Variants in RAB31 observed in about 807,000 individuals in gnomAD.
RAB31 encodes ras-related protein Rab-31.
A neutral mutation model predicts 25.6 loss-of-function variants in RAB31; 21 were observed. The ratio of observed to expected loss-of-function variants is 0.82; its 90% CI spans 0.58 to 1.18. The LOEUF is 1.18. RAB31 is among the 50% of genes most tolerant of loss of function. The pLI is 0.00. For synonymous variants in RAB31, 87 were observed against 84.0 expected, an observed-to-expected ratio of 1.04 and a Z score of -0.20; for missense variants, 196 against 250.1, an observed-to-expected ratio of 0.78 and a Z score of 1.46.
chr18:9,841,154 A>G (rs2068731546), intron 5 of RAB31, among the ~76,000 whole-genome samples: 1 of 150,932 alleles, frequency 6.6e-6, no homozygotes. Context: ...CTGGTCATGA[A>G]CTCCTGATCT....
intron 5 of RAB31, among the ~76,000 whole-genome samples, chr18:9,837,335 C>T (rs2068710937): frequency 6.6e-6 from 1 of 151,990 alleles, no homozygotes; most frequent in Admixed American, 6.5e-5. Context: ...CAAAATGGAA[C>T]AAGGATTTAA....
At chr18:9,802,866 G>C (rs2068520981) in intron 3 of RAB31, among the ~76,000 whole-genome samples, 2 of 152,206 alleles carry the variant, frequency 1.3e-5, no homozygotes, top group Non-Finnish European at 2.9e-5. Context: ...AAACTCTTTT[G>C]CTGTCTTTCC....
At chr18:9,832,977 GA>G (rs58927548) in intron 5 of RAB31, among the ~76,000 whole-genome samples, 18,522 of 152,072 alleles carry the variant, frequency 0.12, 1,383 homozygotes, top group East Asian at 0.37. Flanking sequence ...GAACTCCCGT[GA>G]TGGGGTCTCA....
At chr18:9,798,557 A>G (rs1219651668) in intron 3 of RAB31, among the ~76,000 whole-genome samples, 1 of 152,196 alleles carries the variant, frequency 6.6e-6, no homozygotes, top group East Asian at 1.9e-4. Flanking sequence ...TTAAACAAAC[A>G]ATCACTTTGG....
At chr18:9,849,795 T>A (rs1238265690) in intron 6 of RAB31, 1 of 152,268 alleles carries the variant, frequency 6.6e-6, no homozygotes, top group Non-Finnish European at 1.5e-5. Context: ...AGGAGCCAAG[T>A]CCCAAGGCAG....
chr18:9,729,913 T>G (rs1349069390), intron 1 of RAB31, among the ~76,000 whole-genome samples: 1 of 152,140 alleles, frequency 6.6e-6, no homozygotes, highest in East Asian at 1.9e-4. Flanking sequence ...TCTCACACAC[T>G]GCATTCTGTT....
chr18:9,803,529 A>T (rs1406121290), intron 3 of RAB31, among the ~76,000 whole-genome samples: 1 of 152,076 alleles, frequency 6.6e-6, no homozygotes, highest in South Asian at 2.1e-4. Context: ...CCATGCCCCT[A>T]GTAACTCTCT....
In RAB31 at chr18:9,859,315, G is replaced by A. The variant is rs543464900; in HGVS notation, c.578G>A (p.Arg193Gln). The A allele has an allele frequency of 6.8e-6, 11 of 1,612,362 alleles. No individual in the cohort carries two copies. Among genetic ancestry groups the A allele is most frequent in the African/African-American group, 1.3e-5 (1 of 74,978 alleles). ...VEKPTMQASR[R>Q]CC is the part of the protein sequence containing the mutation. ...AAGCCAACCATGCAAGCCAGCCGCC[G>A]GTGCTGTTGACCCAAGGGCCGTGGT... is the stretch of plus-strand genomic sequence containing the variant. The change falls in exon 7 of 7, where the codon CGG becomes CAG. Residue 193 changes from arginine to glutamine, a missense_variant. Transcript: ENST00000578921.
At chr18:9,768,500 T>C (rs974161823) in intron 1 of RAB31, among the ~76,000 whole-genome samples, 1 of 152,262 alleles carries the variant, frequency 6.6e-6, no homozygotes, top group African/African-American at 2.4e-5. Context: ...AAATGTCTTT[T>C]TTTGAGAAGT....
At chr18:9,802,776 T>C (rs1198787818) in intron 3 of RAB31, among the ~76,000 whole-genome samples, 1 of 152,246 alleles carries the variant, frequency 6.6e-6, no homozygotes, top group Non-Finnish European at 1.5e-5. Context: ...TCGCTGGGTC[T>C]GAATGGGTCC....
chr18:9,770,248 G>A (rs1599031434), intron 1 of RAB31, among the ~76,000 whole-genome samples: 1 of 152,134 alleles, frequency 6.6e-6, no homozygotes, highest in South Asian at 2.1e-4. Context: ...GTTTGGAATA[G>A]TTTCAAAAGG....
At chr18:9,810,005 C>T (rs944335604) in intron 3 of RAB31, among the ~76,000 whole-genome samples, 1 of 152,188 alleles carries the variant, frequency 6.6e-6, no homozygotes, top group Non-Finnish European at 1.5e-5. Flanking sequence ...CCACAGGGAC[C>T]TCCAGCAATT....
chr18:9,806,468 G>T (rs1162006132), intron 3 of RAB31, among the ~76,000 whole-genome samples: 1 of 152,018 alleles, frequency 6.6e-6, no homozygotes, highest in Admixed American at 6.5e-5. Context: ...CTGCTAGAAG[G>T]CGTCAGGGAA....
intron 3 of RAB31, among the ~76,000 whole-genome samples, chr18:9,793,134 C>T (rs2068469727): frequency 6.6e-6 from 1 of 152,040 alleles, no homozygotes; most frequent in Admixed American, 6.6e-5. Flanking sequence ...AGTGCAGTGG[C>T]ACAATTATGG....
At chr18:9,799,626 A>G (rs1266640230) in intron 3 of RAB31, among the ~76,000 whole-genome samples, 1 of 152,122 alleles carries the variant, frequency 6.6e-6, no homozygotes, top group African/African-American at 2.4e-5. Context: ...CCTCCAGAGT[A>G]GCTGGGACTA....
intron 3 of RAB31, among the ~76,000 whole-genome samples, chr18:9,797,034 A>G (rs1236856744): frequency 1.3e-5 from 2 of 152,206 alleles, no homozygotes; most frequent in African/African-American, 4.8e-5. Context: ...AAAGTCTTCT[A>G]TTTTTCTGCT....
intron 5 of RAB31, among the ~76,000 whole-genome samples, chr18:9,845,310 T>C (rs555935): frequency 0.66 from 99,981 of 152,094 alleles, 32,978 homozygotes; most frequent in South Asian, 0.77. Context: ...CTGCCATATT[T>C]GTCATGGTTT....
chr18:9,720,988 G>A (rs2068071194), intron 1 of RAB31, among the ~76,000 whole-genome samples: 1 of 152,094 alleles, frequency 6.6e-6, no homozygotes, highest in Non-Finnish European at 1.5e-5. Flanking sequence ...GTTCTCTGGG[G>A]TCCGTGGTCC....
At chr18:9,759,354 A>T (rs778801239) in intron 1 of RAB31, among the ~76,000 whole-genome samples, 1 of 151,918 alleles carries the variant, frequency 6.6e-6, no homozygotes, top group Non-Finnish European at 1.5e-5. Context: ...GATTTTTCAT[A>T]AAGACAGTGT....
Sources: allele counts gnomAD v4.1 joint callset (sites outside exome capture counted in the v4.1 genomes callset), GRCh38; gene constraint gnomAD v4.1.1; transcripts MANE v1.5; gene names NCBI Gene and HGNC (gene_info 2026-07-23, HGNC 2026-07-21).